Variants in NEK10 observed in about 807,000 individuals in gnomAD.
The protein encoded by NEK10 is serine/threonine-protein kinase Nek10.
Under a neutral mutation model 159.8 loss-of-function variants are expected in NEK10, and 122 were observed. The ratio of observed to expected loss-of-function variants is 0.76; its 90% CI spans 0.66 to 0.89. The LOEUF is 0.89. Among genes scored for constraint, NEK10 ranks in the 40% least tolerant of loss-of-function variants. The pLI is 0.00. For missense variants in NEK10, 1,342 were observed against 1,323.1 expected (o/e 1.01, Z -0.22); for synonymous variants, 466 against 457.1 (o/e 1.02, Z -0.25).
At chr3:27,190,726 T>C (rs1447900626) in intron 26 of NEK10, among the ~76,000 whole-genome samples, 1 of 152,182 alleles carries the variant, frequency 6.6e-6, no homozygotes, top group Non-Finnish European at 1.5e-5. Context: ...CTAAGATATA[T>C]AGAAATAGCT....
intron 26 of NEK10, among the ~76,000 whole-genome samples, chr3:27,182,921 T>A (rs1948261712): frequency 6.6e-6 from 1 of 151,782 alleles, no homozygotes; most frequent in East Asian, 1.9e-4. Flanking sequence ...TACCAGAGGC[T>A]GGGAAGAGGA....
chr3:27,147,866 T>A (rs776089223), intron 30 of NEK10, among the ~76,000 whole-genome samples: 11 of 152,210 alleles, frequency 7.2e-5, no homozygotes, highest in Non-Finnish European at 1.0e-4. Flanking sequence ...CCTTCTTTCT[T>A]GCCTAACTAC....
chr3:27,319,967 G>A (rs1027839781), intron 6 of NEK10, among the ~76,000 whole-genome samples: 1 of 152,166 alleles, frequency 6.6e-6, no homozygotes, highest in African/African-American at 2.4e-5. Context: ...CCATGAAAAA[G>A]GCATGCTGAG....
chr3:27,322,157 A>AG lies in NEK10; in HGVS notation c.447+19_447+20insC. The AG allele has an allele frequency of 7.4e-7, 1 of 1,355,644 alleles. No homozygotes were observed. 84.0% of individuals were successfully genotyped at this position (1,355,644 alleles called of 1,614,324 possible). ...AACTTTATAACAAGTAAAAAAAAAAATTGTATTTTTCCAACCAACCTGATA... is the reference window on the plus strand; with the variant it reads ...AACTTTATAACAAGTAAAAAAAAAAAGTTGTATTTTTCCAACCAACCTGATA... On this transcript the variant is annotated intron_variant, in intron 6 of 35. Coordinates refer to ENST00000691995, the MANE Select transcript of NEK10 (RefSeq NM_001394966.1).
Position 27,111,221 on chromosome 3 carries a change from C to A in NEK10, c.*51G>T. ...GCATCTTGCAATAGCGGCTGAAGTC[C>A]AGAACTTGAACTTCACTGAGAAAAT... is the stretch of plus-strand genomic sequence containing the variant. On this transcript the variant is annotated 3_prime_UTR_variant, in exon 36 of 36. Transcript: ENST00000691995. 6.4e-7 allele frequency: 1 copy of A among 1,562,420 alleles called. No individual in the cohort carries two copies. The highest frequency in any genetic ancestry group is 1.1e-5 in the South Asian group (1 of 88,604).
intron 6 of NEK10, among the ~76,000 whole-genome samples, chr3:27,318,841 T>A (rs1457401089): frequency 6.6e-6 from 1 of 151,954 alleles, no homozygotes; most frequent in Non-Finnish European, 1.5e-5. Flanking sequence ...GCTGTAGATA[T>A]GAACTTGTGA....
intron 22 of NEK10, among the ~76,000 whole-genome samples, chr3:27,280,427 G>A (rs968076779): frequency 5.3e-5 from 8 of 152,060 alleles, no homozygotes; most frequent in African/African-American, 1.9e-4. Flanking sequence ...AGTAAATCAA[G>A]CACCCTCTGC....
Position 27,201,534 on chromosome 3 carries a change from T to C in NEK10, c.2267A>G (p.Glu756Gly), listed in dbSNP as rs748367245. The change falls in exon 25 of 36, where the codon GAA (glutamate) becomes GGA (glycine). Residue 756 changes from glutamate to glycine, a missense_variant. Glu to Gly is a moderately conservative substitution (Grantham distance 98). Transcript: ENST00000691995. ...CCTGCTGATGGTGTCTGTTACTTTT[T>C]CAGAGTAGATACCTTCTGGGACTGG... ...YEPVPEGIYS[E>G]KVTDTISRCL... 5 of 1,613,930 alleles carry C rather than the reference T, an allele frequency of 3.1e-6. No homozygotes were observed. Among genetic ancestry groups the C allele is most frequent in the Non-Finnish European group, 3.4e-6 (4 of 1,179,918 alleles).
At chr3:27,329,370 A>C (rs755905347) in intron 5 of NEK10, among the ~76,000 whole-genome samples, 50 of 152,150 alleles carry the variant, frequency 3.3e-4, no homozygotes, top group Admixed American at 1.4e-3. Context: ...CATTTCTTGG[A>C]GCTAAGTGGA....
At chr3:27,278,700 G>T (rs2041940123) in intron 22 of NEK10, 1 of 983,900 alleles carries the variant, frequency 1.0e-6, no homozygotes, top group Non-Finnish European at 1.2e-6. Flanking sequence ...TTTTTTATTT[G>T]AAAGCAGAGG....
At chr3:27,340,298 G>T (rs1429660048) in intron 5 of NEK10, among the ~76,000 whole-genome samples, 5 of 152,194 alleles carry the variant, frequency 3.3e-5, no homozygotes, top group Non-Finnish European at 7.3e-5. Flanking sequence ...ATATGTGGAA[G>T]TTGAACAATG....
chr3:27,143,709 G>A (rs1944010102), intron 30 of NEK10, among the ~76,000 whole-genome samples: 1 of 152,098 alleles, frequency 6.6e-6, no homozygotes, highest in Non-Finnish European at 1.5e-5. Flanking sequence ...AAACAAAAAT[G>A]TTAGTTGTAC....
At chr3:27,311,753 A>G in intron 8 of NEK10, 1 of 251,400 alleles carries the variant, frequency 4.0e-6, no homozygotes, top group Non-Finnish European at 7.6e-6. Context: ...TCTATGAGGT[A>G]GGCAATCATG....
intron 23 of NEK10, among the ~76,000 whole-genome samples, chr3:27,216,638 A>G (rs191220400): frequency 6.6e-6 from 1 of 152,370 alleles, no homozygotes. Flanking sequence ...CCATTTAAAG[A>G]GAACACATGG....
At chr3:27,285,677 C>T (rs972206717) in intron 20 of NEK10, among the ~76,000 whole-genome samples, 1 of 152,126 alleles carries the variant, frequency 6.6e-6, no homozygotes, top group African/African-American at 2.4e-5. Context: ...CCTCTAAAAC[C>T]AATAGGGTTT....
chr3:27,365,608 G>GTTTTTTTTTTTTT (rs1559571320), intron 1 of NEK10, among the ~76,000 whole-genome samples: 1 of 64,950 alleles, frequency 1.5e-5, no homozygotes, highest in African/African-American at 7.2e-5. Context: ...TTTTTTTTTT[G>GTTTTTTTTTTTTT]TGTTTTTTTT....
chr3:27,234,381 A>G (rs1461437663), intron 23 of NEK10, among the ~76,000 whole-genome samples: 1 of 152,168 alleles, frequency 6.6e-6, no homozygotes, highest in Non-Finnish European at 1.5e-5. Flanking sequence ...TCTCATCCCA[A>G]AAATTTCTTA....
intron 23 of NEK10, among the ~76,000 whole-genome samples, chr3:27,238,777 G>GTA (rs1954241126): frequency 6.7e-6 from 1 of 150,018 alleles, no homozygotes; most frequent in African/African-American, 2.5e-5. Context: ...GTGTGTGTGT[G>GTA]TGTGTGTGTG....
chr3:27,282,580 T>C (rs1438452254), intron 22 of NEK10, among the ~76,000 whole-genome samples: 1 of 113,526 alleles, frequency 8.8e-6, no homozygotes, highest in Non-Finnish European at 2.0e-5. Context: ...GTTATATATA[T>C]ATACATAACT....
Sources: gnomAD v4.1 joint callset for allele counts (sites outside exome capture counted in the v4.1 genomes callset) on GRCh38, gnomAD v4.1.1 for gene constraint, MANE v1.5 for transcripts, NCBI Gene and HGNC (gene_info 2026-07-23, HGNC 2026-07-21) for gene names.